The following TMX3 variants were observed in gnomAD, a reference collection of about 807,000 sequenced individuals.
TMX3 encodes the protein protein disulfide-isomerase TMX3.
A neutral mutation model predicts 64.4 loss-of-function variants in TMX3; 40 were observed. That is an observed-to-expected ratio of 0.62 (90% CI 0.48 to 0.81). TMX3 has a LOEUF of 0.81. Ranked by LOEUF, TMX3 falls within the 30% of genes least tolerant of loss-of-function variation. TMX3 has a pLI of 0.00. For missense variants in TMX3, 497 were observed against 534.5 expected, an observed-to-expected ratio of 0.93 and a Z score of 0.69; for synonymous variants, 189 against 175.7, an observed-to-expected ratio of 1.08 and a Z score of -0.60.
At chr18:68,679,085 A>T (rs963547996) in intron 15 of TMX3, among the ~76,000 whole-genome samples, 5 of 152,114 alleles carry the variant, frequency 3.3e-5, no homozygotes, top group Non-Finnish European at 5.9e-5. Context: ...AGCACACATC[A>T]TTTTCTTTAA....
At chr18:68,699,264 C>T (rs551900843) in intron 6 of TMX3, among the ~76,000 whole-genome samples, 13 of 152,256 alleles carry the variant, frequency 8.5e-5, no homozygotes, top group African/African-American at 3.1e-4. Context: ...CTACAATAGT[C>T]ATCTCCAATT....
intron 4 of TMX3, among the ~76,000 whole-genome samples, chr18:68,702,931 G>A (rs945702275): frequency 9.9e-5 from 15 of 152,160 alleles, no homozygotes; most frequent in African/African-American, 3.4e-4. Context: ...GACAGTGGCC[G>A]ACACGTATCT....
chr18:68,680,860 TCCAGC>T, intron 14 of TMX3, 116 bp downstream of exon 14: 1 of 908,736 alleles, frequency 1.1e-6, no homozygotes, highest in South Asian at 2.6e-5. Flanking sequence ...TGTATGGAGG[TCCAGC>T]CCTCTACTCC....
intron 8 of TMX3, among the ~76,000 whole-genome samples, chr18:68,694,196 T>G (rs1171171302): frequency 1.3e-5 from 2 of 152,154 alleles, no homozygotes; most frequent in East Asian, 1.9e-4. Context: ...ATGTTGCAGG[T>G]GACAAGAAGG....
At chr18:68,709,902 T>A in intron 4 of TMX3, 119 bp downstream of exon 4, 2 of 921,060 alleles carry the variant, frequency 2.2e-6, no homozygotes, top group Non-Finnish European at 3.1e-6. Context: ...AGTCTTAAAT[T>A]ATTAAGTTAA....
intron 4 of TMX3, among the ~76,000 whole-genome samples, chr18:68,708,640 A>C (rs2030961786): frequency 6.6e-6 from 1 of 151,834 alleles, no homozygotes; most frequent in African/African-American, 2.4e-5. Flanking sequence ...GTTTCTACAA[A>C]CTCTTTATTT....
intron 8 of TMX3, among the ~76,000 whole-genome samples, chr18:68,694,148 G>A (rs1459177847): frequency 6.6e-6 from 1 of 152,138 alleles, no homozygotes; most frequent in Admixed American, 6.5e-5. Context: ...TGAAGGGGCT[G>A]TAATGCAAAC....
rs750680803 is a variant in TMX3, at chr18:68,684,490, A to C, written c.737-5T>G. 6.2e-7 allele frequency: 1 copy of C among 1,612,054 alleles called. No individual in the cohort carries two copies. Among genetic ancestry groups the C allele is most frequent in the Non-Finnish European group, 8.5e-7 (1 of 1,179,196 alleles). ...CTGCAAGAGCCACAAGCTTTCCTGA[A>C]ATAAAGAATGACACATCTGAATTCA... On this transcript the variant is annotated splice_region_variant and splice_polypyrimidine_tract_variant and intron_variant, in intron 10 of 15. Transcript: ENST00000299608.
intron 6 of TMX3, among the ~76,000 whole-genome samples, chr18:68,698,494 T>C (rs1915335181): frequency 6.6e-6 from 1 of 152,216 alleles, no homozygotes; most frequent in South Asian, 2.1e-4. Flanking sequence ...ATTTAAATGG[T>C]ATATACTTTT....
chr18:68,675,779 C>A lies in TMX3; in HGVS notation c.*1154G>T, dbSNP rs1912877550. ...TTTAGACATTGCTTTGGAAAGAATT[C>A]CTGTATTAGTTTATAGAAGATGAGA... On this transcript the variant is annotated 3_prime_UTR_variant, in exon 16 of 16. Transcript: ENST00000299608. The A allele has an allele frequency of 6.6e-6, 1 of 152,106 alleles. No homozygotes were observed. The highest frequency in any genetic ancestry group is 1.5e-5 in the Non-Finnish European group (1 of 68,018). The allele number at this position is 152,106 out of a possible 1,614,324, so 9.4% of individuals were successfully genotyped here. A position where few individuals can be genotyped will look rare whatever the true frequency, so the allele number is the denominator to read the frequency against.
chr18:68,679,940 C>T (rs887988497), intron 14 of TMX3, among the ~76,000 whole-genome samples: 3 of 152,136 alleles, frequency 2.0e-5, no homozygotes, highest in African/African-American at 7.2e-5. Flanking sequence ...GTGAAAAATT[C>T]CTGATGAAAA....
rs1184067241 is a variant in TMX3 at position 68,677,642 on chromosome 18, C to A, written c.1105-449G>T. Among the ~76,000 whole-genome samples the A allele has an allele frequency of 6.6e-5, 10 of 152,246 alleles. No homozygotes were observed. In the East Asian group the frequency reaches 9.7e-4, roughly 15 times the overall value. ...GACATTTTTAATATTTTTTACTTAT[C>A]TGGTTAGTAGTAAAACTTCATTGAC... On this transcript the variant is annotated intron_variant, in intron 15 of 15. Coordinates refer to ENST00000299608, the MANE Select transcript of TMX3 (RefSeq NM_019022.5).
intron 4 of TMX3, among the ~76,000 whole-genome samples, chr18:68,705,602 C>T (rs1480687137): frequency 6.6e-6 from 1 of 152,130 alleles, no homozygotes; most frequent in East Asian, 1.9e-4. Context: ...TAATAAAGAT[C>T]AGCATGCCAC....
intron 15 of TMX3, among the ~76,000 whole-genome samples, chr18:68,677,813 A>C (rs1913065062): frequency 6.6e-6 from 1 of 152,160 alleles, no homozygotes; most frequent in African/African-American, 2.4e-5. Flanking sequence ...GAGAAGAAAA[A>C]GATCACTTTG....
At chr18:68,679,375 ATCTTTTCAAAT>A (rs112840719) in intron 15 of TMX3, 77 bp downstream of exon 15, 11 of 1,060,412 alleles carry the variant, frequency 1.0e-5, no homozygotes, top group African/African-American at 6.5e-5. Flanking sequence ...TTTTGACCTA[ATCTTTTCAAAT>A]TCAGATTTTT....
chr18:68,711,897 G>C (rs1283946309), intron 2 of TMX3, among the ~76,000 whole-genome samples: 2 of 152,142 alleles, frequency 1.3e-5, no homozygotes, highest in Non-Finnish European at 2.9e-5. Flanking sequence ...TGGGATCCCA[G>C]ATCACTCCCC....
intron 7 of TMX3, chr18:68,697,678 A>G (rs1915227543): frequency 2.4e-6 from 1 of 424,096 alleles, no homozygotes; most frequent in African/African-American, 2.0e-5. Context: ...CAAGACTTAA[A>G]TAACCAGGTT....
At chr18:68,705,123 G>T (rs563748437) in intron 4 of TMX3, among the ~76,000 whole-genome samples, 2 of 152,104 alleles carry the variant, frequency 1.3e-5, no homozygotes, top group East Asian at 3.9e-4. Flanking sequence ...GAGTAAGGGG[G>T]TAGGAGGAGA....
In TMX3 at chr18:68,710,171, C is replaced by CA. The variant is rs113906830; in HGVS notation, c.142-28dup. ...TTGTTTTAAAAAAACAAACAACAAA[C>CA]AAAAAAAGATAACCATTAAAATGTT... On this transcript the variant is annotated intron_variant, in intron 3 of 15. Transcript: ENST00000299608. The CA allele has an allele frequency of 0.024, 36,534 of 1,494,700 alleles. 2,907 individuals carry two copies. The African/African-American group carries it at 0.28, about 11-fold the overall frequency. 92.6% of individuals were successfully genotyped at this position (1,494,700 alleles called of 1,614,324 possible).
Sources: allele counts gnomAD v4.1 joint callset (sites outside exome capture counted in the v4.1 genomes callset), GRCh38; gene constraint gnomAD v4.1.1; transcripts MANE v1.5; gene names NCBI Gene and HGNC (gene_info 2026-07-23, HGNC 2026-07-21).